Variants in MARCHF1 observed in about 807,000 individuals in gnomAD.
The protein encoded by MARCHF1 is E3 ubiquitin-protein ligase MARCHF1.
A neutral mutation model predicts 54.2 loss-of-function variants in MARCHF1; 40 were observed. The observed-to-expected ratio is 0.74, with a 90% confidence interval of 0.57 to 0.96. The LOEUF (loss-of-function observed/expected upper bound fraction) is 0.96, where lower values mean the gene tolerates loss of function less well. MARCHF1 is among the 40% of genes least tolerant of loss of function. The probability of loss-of-function intolerance (pLI) is 0.00; values close to 1 mark genes in which losing one functional copy is unlikely to be tolerated. For synonymous variants in MARCHF1, 236 were observed against 236.3 expected, an observed-to-expected ratio of 1.00 and a Z score of 0.01; for missense variants, 586 against 656.5, an observed-to-expected ratio of 0.89 and a Z score of 1.17.
intron 4 of MARCHF1, among the ~76,000 whole-genome samples, chr4:163,826,483 G>A (rs186719976): frequency 9.2e-5 from 14 of 152,046 alleles, no homozygotes; most frequent in East Asian, 7.7e-4. Context: ...TCCTAAAGCC[G>A]TCCATGAATA....
intron 5 of MARCHF1, among the ~76,000 whole-genome samples, chr4:163,685,041 A>ATT (rs10626352): frequency 0.31 from 46,450 of 152,050 alleles, 8,893 homozygotes; most frequent in Non-Finnish European, 0.44. Flanking sequence ...GTGTACATTT[A>ATT]TTTTGTTAGG....
chr4:163,744,435 A>G (rs929951063), intron 4 of MARCHF1, among the ~76,000 whole-genome samples: 3 of 152,226 alleles, frequency 2.0e-5, no homozygotes, highest in Admixed American at 2.0e-4. Context: ...TATCTGAGTC[A>G]GCACCATGTA....
intron 8 of MARCHF1, among the ~76,000 whole-genome samples, chr4:163,555,500 TAAAC>T (rs541337327): frequency 2.5e-3 from 378 of 152,306 alleles, no homozygotes; most frequent in African/African-American, 8.2e-3. Context: ...TAGATGCATT[TAAAC>T]AAAGTTCCTT....
rs76372915 is a variant in MARCHF1 at position 164,197,294 on chromosome 4, A to G, written c.-322-85632T>C. 4,838 of 1,611,758 alleles carry G rather than the reference A, an allele frequency of 3.0e-3. 8 individuals carry two copies. Among genetic ancestry groups the G allele is most frequent in the Non-Finnish European group, 3.9e-3 (4,628 of 1,178,378 alleles). ...TGGTCCCAGTAACAGCTGTCGAGAT[A>G]TGTGAGTTGCAGGAGAAGCTTGAAC... On this transcript the variant is annotated intron_variant, in intron 1 of 9. Coordinates refer to ENST00000514618, the MANE Select transcript of MARCHF1 (RefSeq NM_001394959.1).
At chr4:164,113,828 A>C (rs1755885221) in intron 1 of MARCHF1, among the ~76,000 whole-genome samples, 1 of 152,034 alleles carries the variant, frequency 6.6e-6, no homozygotes, top group Non-Finnish European at 1.5e-5. Flanking sequence ...AAAAAGTGAA[A>C]TACTGGACTG....
chr4:163,534,172 G>C (rs1352305028), intron 9 of MARCHF1, among the ~76,000 whole-genome samples: 2 of 152,042 alleles, frequency 1.3e-5, no homozygotes, highest in Admixed American at 1.3e-4. Context: ...GGGAGAAAAA[G>C]GTGCAATCTG....
At chr4:164,181,408 T>A (rs1393242304) in intron 1 of MARCHF1, among the ~76,000 whole-genome samples, 1 of 152,196 alleles carries the variant, frequency 6.6e-6, no homozygotes, top group Non-Finnish European at 1.5e-5. Flanking sequence ...TATGTCTAAT[T>A]TTTAGCACAC....
chr4:164,187,039 T>C (rs1274600978), intron 1 of MARCHF1, among the ~76,000 whole-genome samples: 1 of 151,956 alleles, frequency 6.6e-6, no homozygotes, highest in Non-Finnish European at 1.5e-5. Flanking sequence ...TTTTTTTTTT[T>C]GCATGAAATG....
intron 1 of MARCHF1, among the ~76,000 whole-genome samples, chr4:164,204,970 A>C (rs1731564514): frequency 6.6e-6 from 1 of 152,242 alleles, no homozygotes; most frequent in African/African-American, 2.4e-5. Context: ...CAGTTAAATA[A>C]AATAGTATTC....
chr4:163,667,193 G>T (rs564621651), intron 5 of MARCHF1, among the ~76,000 whole-genome samples: 12 of 152,128 alleles, frequency 7.9e-5, no homozygotes, highest in East Asian at 1.9e-4. Flanking sequence ...GATTCAGGAG[G>T]AAAGGTGAGG....
At chr4:164,252,226 A>G (rs1733148632) in intron 1 of MARCHF1, among the ~76,000 whole-genome samples, 1 of 152,222 alleles carries the variant, frequency 6.6e-6, no homozygotes, top group African/African-American at 2.4e-5. Context: ...TATTTAAAAA[A>G]TGAGGCATAT....
chr4:164,157,275 T>C (rs977585013), intron 1 of MARCHF1, among the ~76,000 whole-genome samples: 1 of 152,066 alleles, frequency 6.6e-6, no homozygotes, highest in Non-Finnish European at 1.5e-5. Context: ...TTGGAAAGTA[T>C]AGTTCTTTAA....
intron 4 of MARCHF1, among the ~76,000 whole-genome samples, chr4:163,816,680 T>G (rs1748542493): frequency 6.6e-6 from 1 of 152,068 alleles, no homozygotes; most frequent in South Asian, 2.1e-4. Context: ...TATCTCTCCT[T>G]ACAGAGGGGG....
chr4:164,206,344 G>A (rs1731606225), intron 1 of MARCHF1, among the ~76,000 whole-genome samples: 1 of 152,116 alleles, frequency 6.6e-6, no homozygotes, highest in African/African-American at 2.4e-5. Context: ...GGCTGAGGCA[G>A]GAGAATCTCT....
intron 4 of MARCHF1, among the ~76,000 whole-genome samples, chr4:163,784,138 T>C (rs1747546810): frequency 7.4e-6 from 1 of 134,734 alleles, no homozygotes; most frequent in South Asian, 2.4e-4. Context: ...CCAGCAGAAA[T>C]TCTTTTTTTT....
chr4:164,174,843 C>T (rs527675768), intron 1 of MARCHF1, among the ~76,000 whole-genome samples: 91 of 152,148 alleles, frequency 6.0e-4, no homozygotes, highest in African/African-American at 2.2e-3. Flanking sequence ...AAGAGTCATG[C>T]TTTTTATAAG....
intron 2 of MARCHF1, among the ~76,000 whole-genome samples, chr4:164,023,273 G>A (rs190904158): frequency 5.3e-4 from 81 of 152,266 alleles, no homozygotes; most frequent in African/African-American, 1.8e-3. Context: ...TGTGTCACCA[G>A]TGACTGAAGG....
chr4:164,282,513 C>A (rs746317586), intron 1 of MARCHF1, among the ~76,000 whole-genome samples: 3 of 150,800 alleles, frequency 2.0e-5, no homozygotes, highest in Non-Finnish European at 4.4e-5. Flanking sequence ...TTTACCTATA[C>A]TACTTTCCCA....
At chr4:163,667,346 C>G (rs1015143830) in intron 5 of MARCHF1, among the ~76,000 whole-genome samples, 14 of 152,058 alleles carry the variant, frequency 9.2e-5, no homozygotes, top group Non-Finnish European at 2.1e-4. Context: ...TTTTAAATCA[C>G]TAACTACATT....
Sources: allele counts gnomAD v4.1 joint callset (sites outside exome capture counted in the v4.1 genomes callset), GRCh38; gene constraint gnomAD v4.1.1; transcripts MANE v1.5; gene names NCBI Gene and HGNC (gene_info 2026-07-23, HGNC 2026-07-21).